Variants in HK1 observed in about 807,000 individuals in gnomAD.
HK1 encodes the protein hexokinase 1.
A neutral mutation model predicts 91.6 loss-of-function variants in HK1; 28 were observed. That is an observed-to-expected ratio of 0.31 (90% CI 0.23 to 0.42). HK1 has a LOEUF of 0.42. Among genes scored for constraint, HK1 ranks in the 10% least tolerant of loss-of-function variants. The pLI, the probability that HK1 is intolerant of heterozygous loss-of-function variation, is 1.00. For missense variants in HK1, 770 were observed against 1,219.8 expected, an observed-to-expected ratio of 0.63 and a Z score of 5.49; for synonymous variants, 430 against 468.1, an observed-to-expected ratio of 0.92 and a Z score of 1.05.
At chr10:69,333,636 C>T (rs16926246) in intron 1 of HK1, among the ~76,000 whole-genome samples, 18,597 of 151,898 alleles carry the variant, frequency 0.12, 1,275 homozygotes, top group African/African-American at 0.17. Flanking sequence ...GTTGGAGTGC[C>T]GCTCTGCTTG....
chr10:69,316,453 T>G (rs755056603), upstream of HK1, among the ~76,000 whole-genome samples: 1 of 151,722 alleles, frequency 6.6e-6, no homozygotes, highest in East Asian at 1.9e-4. Context: ...GGACTGGGAG[T>G]TGGGAGGTGG....
At chr10:69,327,398 C>T (rs530742926) in intron 1 of HK1, among the ~76,000 whole-genome samples, 18 of 152,300 alleles carry the variant, frequency 1.2e-4, no homozygotes, top group East Asian at 1.9e-4. Flanking sequence ...TGTTGATCTA[C>T]GTAACTGTTT....
chr10:69,374,918 G>A (rs10998748), intron 7 of HK1, among the ~76,000 whole-genome samples: 6,688 of 152,260 alleles, frequency 0.044, 477 homozygotes, highest in African/African-American at 0.15. Context: ...GAGAAGCTGG[G>A]GTAGGGTGGT....
At chr10:69,333,329 G>C (rs925817400) in intron 1 of HK1, among the ~76,000 whole-genome samples, 1 of 152,220 alleles carries the variant, frequency 6.6e-6, no homozygotes, top group Non-Finnish European at 1.5e-5. Flanking sequence ...TTGTCGGGAG[G>C]TGCTGGGACA....
At chr10:69,365,501 A>G (rs1455093730) in intron 4 of HK1, among the ~76,000 whole-genome samples, 1 of 152,242 alleles carries the variant, frequency 6.6e-6, no homozygotes, top group Non-Finnish European at 1.5e-5. Context: ...ATAAATACAT[A>G]CAGCCTTGTT....
intron 1 of HK1, among the ~76,000 whole-genome samples, chr10:69,274,157 A>T (rs959030432): frequency 2.6e-5 from 4 of 152,146 alleles, no homozygotes; most frequent in Non-Finnish European, 5.9e-5. Flanking sequence ...TTCGTTTCAA[A>T]TATCAGCTGA....
chr10:69,391,423 C>T (rs1317829760), intron 14 of HK1, among the ~76,000 whole-genome samples: 1 of 152,240 alleles, frequency 6.6e-6, no homozygotes. Context: ...GAGAGGGTAG[C>T]TCGAGCCCAG....
At chr10:69,325,044 AT>A (rs1046990181) in intron 1 of HK1, among the ~76,000 whole-genome samples, 14,582 of 93,996 alleles carry the variant, frequency 0.16, 491 homozygotes, top group East Asian at 0.43. Context: ...AAAAATGTGT[AT>A]TTTTTTTTTT....
intron 2 of HK1, among the ~76,000 whole-genome samples, chr10:69,352,501 A>G (rs1232881345): frequency 6.6e-6 from 1 of 152,202 alleles, no homozygotes; most frequent in Non-Finnish European, 1.5e-5. Context: ...CAGTGGCTTC[A>G]TGTGATATAT....
At chr10:69,282,165 T>A (rs1844784528) in intron 1 of HK1, among the ~76,000 whole-genome samples, 1 of 152,114 alleles carries the variant, frequency 6.6e-6, no homozygotes, top group Non-Finnish European at 1.5e-5. Flanking sequence ...CTACTCCTAA[T>A]CTTGTTGGGA....
chr10:69,300,340 G>T, intron 4 of HK1: 1 of 426,134 alleles, frequency 2.3e-6, no homozygotes, highest in Admixed American at 4.0e-5. Flanking sequence ...TTTTAATGTT[G>T]CTGCATATAT....
At chr10:69,276,848 A>T (rs1844503601) in intron 1 of HK1, among the ~76,000 whole-genome samples, 1 of 150,752 alleles carries the variant, frequency 6.6e-6, no homozygotes, top group Admixed American at 6.6e-5. Context: ...TATATCCTAC[A>T]TATATGTAGG....
At position 69,282,326 on chromosome 10, in the gene HK1, A is replaced by G. The variant is rs113306681; in HGVS notation, c.-390-203A>G. ...CACACCCAAGGTTTCTGAGGTCTCAATGGGATAAAATAACTTCATAACCAT... is the reference window on the plus strand; with the variant it reads ...CACACCCAAGGTTTCTGAGGTCTCAGTGGGATAAAATAACTTCATAACCAT... On this transcript the variant is annotated intron_variant, in intron 1 of 21. Transcript: ENST00000360289. Among the ~76,000 whole-genome samples the G allele has an allele frequency of 5.7e-3, 867 of 152,202 alleles. 5 individuals carry two copies. Among genetic ancestry groups the G allele is most frequent in the Non-Finnish European group, 7.7e-3 (521 of 68,000 alleles).
At chr10:69,352,666 A>G (rs946959856) in intron 2 of HK1, among the ~76,000 whole-genome samples, 3 of 152,210 alleles carry the variant, frequency 2.0e-5, no homozygotes, top group Middle Eastern at 3.2e-3. Flanking sequence ...TGTCTGGAAT[A>G]GGGGCATCTG....
chr10:69,288,506 G>A (rs972935975), intron 2 of HK1, among the ~76,000 whole-genome samples: 2 of 152,170 alleles, frequency 1.3e-5, no homozygotes, highest in Non-Finnish European at 2.9e-5. Flanking sequence ...CAAACAAAAG[G>A]AGAAACTTTA....
At chr10:69,329,303 T>A (rs1437598881) in intron 1 of HK1, among the ~76,000 whole-genome samples, 2 of 152,018 alleles carry the variant, frequency 1.3e-5, no homozygotes, top group African/African-American at 4.8e-5. Context: ...GCTGGGACTA[T>A]AGGCGCATGC....
rs1840398536 is a variant in HK1, at chr10:69,401,657, TGG to T, written c.*523_*524del. ...CCCACTGTGGCCTGGCATCGCATCG[TGG>T]TGTGTCAATGCCACAAAATCGTGTG... On this transcript the variant is annotated 3_prime_UTR_variant, in exon 18 of 18. Transcript: ENST00000359426. 5.7e-6 allele frequency: 2 copies of T among 353,148 alleles called. No individual in the cohort carries two copies. Among genetic ancestry groups the T allele is most frequent in the African/African-American group, 4.4e-5 (2 of 45,834 alleles). The allele number at this position is 353,148 out of a possible 1,614,324, so 21.9% of individuals were successfully genotyped here. A position where few individuals can be genotyped will look rare whatever the true frequency, so the allele number is the denominator to read the frequency against.
intron 1 of HK1, among the ~76,000 whole-genome samples, chr10:69,279,490 G>A (rs1214523835): frequency 6.6e-6 from 1 of 152,212 alleles, no homozygotes; most frequent in Non-Finnish European, 1.5e-5. Context: ...AACTGGGTTT[G>A]CATGGGGTTT....
At chr10:69,275,130 A>G (rs1331254830) in intron 1 of HK1, among the ~76,000 whole-genome samples, 1 of 151,642 alleles carries the variant, frequency 6.6e-6, no homozygotes, top group East Asian at 1.9e-4. Context: ...CCCCTCTTAC[A>G]TCCTATATCC....
Sources: allele counts gnomAD v4.1 joint callset (sites outside exome capture counted in the v4.1 genomes callset), GRCh38; gene constraint gnomAD v4.1.1; transcripts MANE v1.5; gene names NCBI Gene and HGNC (gene_info 2026-07-23, HGNC 2026-07-21).